The following WDR19 variants were observed in gnomAD, a reference collection of about 807,000 sequenced individuals.
WDR19 encodes WD repeat domain 19.
WDR19 carries 121 observed loss-of-function variants against 180.0 expected under a neutral mutation model. The ratio of observed to expected loss-of-function variants is 0.67; its 90% CI spans 0.58 to 0.78. WDR19 has a LOEUF of 0.78. Among genes scored for constraint, WDR19 ranks in the 30% least tolerant of loss-of-function variants. WDR19 has a pLI of 0.00. For missense variants in WDR19, 1,450 were observed against 1,640.7 expected (o/e 0.88, Z 2.01); for synonymous variants, 497 against 540.7 (o/e 0.92, Z 1.12).
chr4:39,278,119 T>G lies in WDR19; in HGVS notation c.3841-12T>G. The stretch of plus-strand genomic sequence containing the variant: ...TAAAGATGAATTTAACTCTTAAACA[T>G]CCTGTTTCCAGGGTCGACACATGTT... On this transcript the variant is annotated splice_polypyrimidine_tract_variant and intron_variant, in intron 34 of 36. Coordinates refer to ENST00000399820, the MANE Select transcript of WDR19 (RefSeq NM_025132.4). 1 of 1,591,116 alleles carries G rather than the reference T, an allele frequency of 6.3e-7. No individual in the cohort carries two copies. Among genetic ancestry groups the G allele is most frequent in the Non-Finnish European group, 8.6e-7 (1 of 1,167,614 alleles).
intron 17 of WDR19, among the ~76,000 whole-genome samples, chr4:39,228,906 T>G (rs1449267961): frequency 6.6e-6 from 1 of 152,042 alleles, no homozygotes; most frequent in Non-Finnish European, 1.5e-5. Flanking sequence ...ATCACCAGAA[T>G]AGTGAACACT....
At chr4:39,194,730 G>C (rs1346981716) in intron 5 of WDR19, 71 bp downstream of exon 5, 2 of 1,222,732 alleles carry the variant, frequency 1.6e-6, no homozygotes, top group Non-Finnish European at 2.3e-6. Flanking sequence ...GCCGCCTCAG[G>C]TTTCCCTGAT....
chr4:39,232,201 A>G lies in WDR19; in HGVS notation c.2182A>G (p.Met728Val), dbSNP rs1218489974. The G allele has an allele frequency of 6.2e-7, 1 of 1,613,574 alleles. No individual in the cohort carries two copies. The highest frequency in any genetic ancestry group is 1.7e-5 in the Admixed American group (1 of 59,992). Residue 728 changes from methionine (M) to valine (V), a missense_variant, in exon 19 of 37, where the codon ATG becomes GTG. Met to Val is a conservative substitution (Grantham distance 21, BLOSUM62 1). Transcript: ENST00000399820. Reference protein sequence around the residue: ...DYNLLAGHLAMFTNDYNLAQD... With the variant: ...DYNLLAGHLAVFTNDYNLAQD... Reference sequence around the variant, plus strand: ...CAATCTTTTGGCAGGACACCTTGCCATGTTTACCAACGATTATAACCTGGC... The same window carrying G: ...CAATCTTTTGGCAGGACACCTTGCCGTGTTTACCAACGATTATAACCTGGC...
chr4:39,219,626 G>T (rs1290342041), intron 14 of WDR19, among the ~76,000 whole-genome samples: 1 of 152,150 alleles, frequency 6.6e-6, no homozygotes, highest in Non-Finnish European at 1.5e-5. Flanking sequence ...GTGCTTTAAG[G>T]ATTTAATTTG....
chr4:39,244,370 C>T lies in WDR19; in HGVS notation c.2544C>T (p.Ala848=). Residue 848 remains alanine, a synonymous_variant, in exon 22 of 37, where the codon GCC becomes GCT. Coordinates refer to ENST00000399820, the MANE Select transcript of WDR19 (RefSeq NM_025132.4). ...GGGTCCTTAAAAGAGACTGTGGAGC[C>T]ATATTGGAGAATATGAAGGTCCTCT... The part of the protein sequence containing the change: ...PSRVLKRDCG[A]ILENMKQFSE... 2.5e-6 allele frequency: 4 copies of T among 1,613,926 alleles called. No individual in the cohort carries two copies. The highest frequency in any genetic ancestry group is 3.4e-6 in the Non-Finnish European group (4 of 1,179,844).
At chr4:39,252,489 C>T (rs1733334808) in intron 24 of WDR19, among the ~76,000 whole-genome samples, 1 of 150,756 alleles carries the variant, frequency 6.6e-6, no homozygotes, top group African/African-American at 2.4e-5. Context: ...GCACATGTAC[C>T]CTAAAACTTA....
At chr4:39,206,728 A>C (rs1278448914) in intron 9 of WDR19, among the ~76,000 whole-genome samples, 1 of 152,246 alleles carries the variant, frequency 6.6e-6, no homozygotes, top group Non-Finnish European at 1.5e-5. Flanking sequence ...GAACTGAGAC[A>C]TAGATCATAG....
At chr4:39,273,208 C>T in intron 32 of WDR19, 147 bp downstream of exon 32, 1 of 604,302 alleles carries the variant, frequency 1.7e-6, no homozygotes. Context: ...GGCCCCAAGA[C>T]CACTCCCAGG....
intron 9 of WDR19, among the ~76,000 whole-genome samples, chr4:39,207,668 T>C (rs1191223448): frequency 6.6e-6 from 1 of 152,040 alleles, no homozygotes; most frequent in Non-Finnish European, 1.5e-5. Flanking sequence ...TGTCAGTAAA[T>C]GAAAGTGAAA....
intron 9 of WDR19, among the ~76,000 whole-genome samples, chr4:39,210,299 A>T (rs1395673907): frequency 6.6e-6 from 1 of 152,264 alleles, no homozygotes; most frequent in Non-Finnish European, 1.5e-5. Flanking sequence ...AACTGAATGT[A>T]GCAATGTATA....
chr4:39,217,785 G>T (rs1280882767), intron 13 of WDR19, among the ~76,000 whole-genome samples, 198 bp from the exon 14 acceptor site: 3 of 152,134 alleles, frequency 2.0e-5, no homozygotes, highest in African/African-American at 7.2e-5. Context: ...AGTAAAGACT[G>T]TTCACACTAA....
chr4:39,272,604 G>A (rs1315266650), intron 31 of WDR19, among the ~76,000 whole-genome samples: 1 of 152,174 alleles, frequency 6.6e-6, no homozygotes, highest in Non-Finnish European at 1.5e-5. Flanking sequence ...CAGACACGGC[G>A]CCTTTCCTTT....
intron 31 of WDR19, among the ~76,000 whole-genome samples, chr4:39,272,209 C>G (rs6828182): frequency 0.82 from 125,179 of 152,262 alleles, 51,609 homozygotes; most frequent in South Asian, 0.9. Flanking sequence ...GTGCAGGGGG[C>G]ACAGAAACAC....
chr4:39,274,749 C>G (rs1735730923), intron 32 of WDR19, 59 bp from the exon 33 acceptor site: 1 of 1,579,884 alleles, frequency 6.3e-7, no homozygotes, highest in Admixed American at 1.7e-5. Flanking sequence ...GGAATCCCGC[C>G]TGTATCACTG....
rs796617958 is a variant in WDR19 at position 39,278,781 on chromosome 4, A to T, written c.*13+118A>T. ...TGCACCATGGAACTTGCCAGATTTG[A>T]ACAATCTGACAACCACCTTTTGATG... On this transcript the variant is annotated intron_variant, in intron 36 of 36. Transcript: ENST00000399820. 2.2e-5 allele frequency: 11 copies of T among 504,568 alleles called. No individual in the cohort carries two copies. In the African/African-American group the frequency reaches 2.2e-4, roughly 10 times the overall value. 31.3% of individuals were successfully genotyped at this position (504,568 alleles called of 1,614,324 possible). A position where few individuals can be genotyped will look rare whatever the true frequency, so the allele number is the denominator to read the frequency against.
chr4:39,189,851 ATTCTT>A (rs1299790492), intron 4 of WDR19, 70 bp downstream of exon 4: 13 of 1,462,590 alleles, frequency 8.9e-6, no homozygotes, highest in Non-Finnish European at 1.2e-5. Flanking sequence ...GGTGCTAACA[ATTCTT>A]TACTACTTTC....
Position 39,257,490 on chromosome 4 carries a change from T to A in WDR19, c.3119T>A (p.Leu1040His). The A allele has an allele frequency of 1.9e-6, 3 of 1,580,462 alleles. No individual in the cohort carries two copies. Among genetic ancestry groups the A allele is most frequent in the Non-Finnish European group, 2.6e-6 (3 of 1,161,894 alleles). ...FLLCGQYSRA[L>H]KHFLKCPSSE... is the part of the protein sequence containing the mutation. ...TTGCTGTAATTCGCTTTTCAGGCAC[T>A]TAAACACTTCCTGAAATGCCCAAGC... Residue 1040 changes from leucine to histidine, a missense_variant, in exon 28 of 37, where the codon CTT becomes CAT. Physicochemically the swap from Leu to His is moderately conservative, Grantham distance 99. Transcript: ENST00000399820.
chr4:39,183,270 T>TTTTTTTTTTTTTTTTTTTA (rs1182348960), intron 1 of WDR19, among the ~76,000 whole-genome samples: 1 of 147,814 alleles, frequency 6.8e-6, no homozygotes, highest in Admixed American at 6.8e-5. Flanking sequence ...TTTTTTTTTT[T>TTTTTTTTTTTTTTTTTTTA]ACTGAGTCTC....
chr4:39,279,024 G>T (rs972695260), intron 36 of WDR19, among the ~76,000 whole-genome samples: 1 of 152,146 alleles, frequency 6.6e-6, no homozygotes, highest in African/African-American at 2.4e-5. Context: ...GGCTTCCAGA[G>T]ATTTGGAAAT....
Sources: allele counts gnomAD v4.1 joint callset (sites outside exome capture counted in the v4.1 genomes callset), GRCh38; gene constraint gnomAD v4.1.1; transcripts MANE v1.5; gene names NCBI Gene and HGNC (gene_info 2026-07-23, HGNC 2026-07-21).